Variants in GABBR2 observed in about 807,000 individuals in gnomAD.
The protein encoded by GABBR2 is G-protein coupled receptor 51.
Under a neutral mutation model 105.6 loss-of-function variants are expected in GABBR2, and 23 were observed. The ratio of observed to expected loss-of-function variants is 0.22; its 90% CI spans 0.16 to 0.31. The LOEUF is 0.31. GABBR2 is among the 10% of genes least tolerant of loss of function. GABBR2 has a pLI of 1.00. For synonymous variants in GABBR2, 478 were observed against 499.7 expected (o/e 0.96, Z 0.58); for missense variants, 734 against 1,245.5 (o/e 0.59, Z 6.18).
intron 12 of GABBR2, among the ~76,000 whole-genome samples, chr9:98,367,784 A>C (rs1489512202): frequency 2.0e-5 from 3 of 152,126 alleles, no homozygotes; most frequent in African/African-American, 7.2e-5. Context: ...AGAGAAGAGA[A>C]ATTTATATCT....
chr9:98,371,078 C>T (rs750224833), intron 12 of GABBR2, among the ~76,000 whole-genome samples: 7 of 152,210 alleles, frequency 4.6e-5, no homozygotes, highest in Non-Finnish European at 4.4e-5. Context: ...AAGCCTCTCT[C>T]GGCCCCTGAC....
rs550218120 is a variant in GABBR2 at position 98,533,346 on chromosome 9, C to T, written c.630+8527G>A. On this transcript the variant is annotated intron_variant, in intron 3 of 18. Transcript: ENST00000259455. Reference sequence around the variant, plus strand: ...TTCCCTGCTGCTCTTCCAGATGGCCCGGGTGACTCAGGCAGGAGGCAGTCA... The same window carrying T: ...TTCCCTGCTGCTCTTCCAGATGGCCTGGGTGACTCAGGCAGGAGGCAGTCA... Among the ~76,000 whole-genome samples, 160 of 152,116 alleles carry T rather than the reference C, an allele frequency of 1.1e-3. 1 individual carries two copies. Among genetic ancestry groups the T allele is most frequent in the African/African-American group, 3.6e-3 (150 of 41,514 alleles).
chr9:98,303,378 G>C lies in GABBR2; in HGVS notation c.2275C>G (p.Arg759Gly). The C allele has an allele frequency of 6.2e-7, 1 of 1,613,926 alleles. No individual in the cohort carries two copies. Among genetic ancestry groups the C allele is most frequent in the Non-Finnish European group, 8.5e-7 (1 of 1,179,756 alleles). The part of the protein sequence containing the change: ...TNPDAATQNR[R>G]FQFTQNQKKE... ...TTCTGATTCTGAGTGAACTGGAATC[G>C]CCTGTTCTGCGTTGCTGCATCTGGG... is the stretch of plus-strand genomic sequence containing the variant. The change falls in exon 16 of 19, where the codon CGA becomes GGA. Residue 759 changes from arginine (R) to glycine (G), a missense_variant. Transcript: ENST00000259455.
chr9:98,629,689 C>T (rs1352532459), intron 1 of GABBR2, among the ~76,000 whole-genome samples: 1 of 152,174 alleles, frequency 6.6e-6, no homozygotes, highest in Non-Finnish European at 1.5e-5. Context: ...AACCAATTGG[C>T]TCACCCCTTT....
At chr9:98,540,341 T>C (rs1028035654) in intron 3 of GABBR2, among the ~76,000 whole-genome samples, 1 of 152,200 alleles carries the variant, frequency 6.6e-6, no homozygotes, top group Non-Finnish European at 1.5e-5. Flanking sequence ...CCATTACTCA[T>C]TGGATTTTGG....
At chr9:98,509,362 C>T (rs1827586063) in intron 3 of GABBR2, among the ~76,000 whole-genome samples, 2 of 152,162 alleles carry the variant, frequency 1.3e-5, no homozygotes, top group African/African-American at 4.8e-5. Context: ...AATCAGAGCA[C>T]CTCTCCTCCT....
At chr9:98,397,850 T>A (rs964480040) in intron 8 of GABBR2, among the ~76,000 whole-genome samples, 1 of 152,214 alleles carries the variant, frequency 6.6e-6, no homozygotes, top group Non-Finnish European at 1.5e-5. Flanking sequence ...TTCTGATTCC[T>A]GCTGGCTAGC....
chr9:98,483,679 C>A (rs1318878469), intron 4 of GABBR2, among the ~76,000 whole-genome samples: 1 of 152,186 alleles, frequency 6.6e-6, no homozygotes, highest in African/African-American at 2.4e-5. Flanking sequence ...GTCTATCCCT[C>A]CAGAGTGCCC....
chr9:98,666,110 C>T (rs915006052), intron 1 of GABBR2, among the ~76,000 whole-genome samples: 5 of 152,202 alleles, frequency 3.3e-5, no homozygotes, highest in African/African-American at 9.7e-5. Context: ...GAGCCTCTCA[C>T]AGACCGAATC....
intron 1 of GABBR2, among the ~76,000 whole-genome samples, chr9:98,615,773 T>C (rs996856019): frequency 6.6e-6 from 1 of 152,198 alleles, no homozygotes; most frequent in African/African-American, 2.4e-5. Flanking sequence ...TTGATACATA[T>C]TTAATTTCAC....
At chr9:98,345,471 T>G (rs1471475808) in intron 13 of GABBR2, among the ~76,000 whole-genome samples, 1 of 152,208 alleles carries the variant, frequency 6.6e-6, no homozygotes, top group Non-Finnish European at 1.5e-5. Flanking sequence ...CTTTTTAACT[T>G]TTTAAGAAAA....
At chr9:98,540,365 G>A (rs1271783453) in intron 3 of GABBR2, among the ~76,000 whole-genome samples, 1 of 152,230 alleles carries the variant, frequency 6.6e-6, no homozygotes, top group African/African-American at 2.4e-5. Context: ...AAGCCCTGCA[G>A]GGAGGCATGC....
intron 3 of GABBR2, among the ~76,000 whole-genome samples, chr9:98,540,849 T>G (rs1233054401): frequency 6.6e-5 from 10 of 152,234 alleles, no homozygotes; most frequent in Admixed American, 6.5e-4. Context: ...TTTGTACTCA[T>G]CTGAGTGAGG....
chr9:98,573,075 C>T (rs939065850), intron 2 of GABBR2, among the ~76,000 whole-genome samples: 5 of 152,144 alleles, frequency 3.3e-5, no homozygotes, highest in Admixed American at 6.5e-5. Flanking sequence ...TGAGAGGCTC[C>T]GCCATGCAGC....
In GABBR2 at chr9:98,435,393, C is replaced by T. The variant is rs150994109; in HGVS notation, c.1236+18588G>A. 1.8e-4 allele frequency among the ~76,000 whole-genome samples: 28 copies of T among 152,306 alleles called. No individual in the cohort carries two copies. In the East Asian group the frequency reaches 4.0e-3, roughly 22 times the overall value. On this transcript the variant is annotated intron_variant, in intron 7 of 18. Transcript: ENST00000259455. Reference sequence around the variant, plus strand: ...CCCTCCATCATCCCCTCTCTTCTGTCGTAACTGGTAAAACACCAAGCCCTA... The same window carrying T: ...CCCTCCATCATCCCCTCTCTTCTGTTGTAACTGGTAAAACACCAAGCCCTA...
chr9:98,347,951 G>A (rs929661219), intron 13 of GABBR2, among the ~76,000 whole-genome samples: 5 of 152,156 alleles, frequency 3.3e-5, no homozygotes, highest in Non-Finnish European at 5.9e-5. Context: ...GTCCCCCTGC[G>A]CAAGCTCTCT....
intron 2 of GABBR2, among the ~76,000 whole-genome samples, chr9:98,550,231 C>A (rs552104941): frequency 6.6e-6 from 1 of 152,096 alleles, no homozygotes; most frequent in Non-Finnish European, 1.5e-5. Flanking sequence ...ATAAGAAAAC[C>A]GAGGCTTAGA....
At chr9:98,702,557 C>T (rs922920390) in intron 1 of GABBR2, among the ~76,000 whole-genome samples, 6 of 152,180 alleles carry the variant, frequency 3.9e-5, no homozygotes, top group African/African-American at 1.4e-4. Flanking sequence ...TCCCACCTTC[C>T]GGACACAGCA....
intron 7 of GABBR2, among the ~76,000 whole-genome samples, chr9:98,436,395 ATATATATATATAGT>A (rs1825925587): frequency 4.2e-5 from 2 of 47,320 alleles, no homozygotes; most frequent in African/African-American, 7.0e-5. Flanking sequence ...ATATATATAT[ATATATATATATAGT>A]ATGGCGTTCT....
Sources: allele counts gnomAD v4.1 joint callset (sites outside exome capture counted in the v4.1 genomes callset), GRCh38; gene constraint gnomAD v4.1.1; transcripts MANE v1.5; gene names NCBI Gene and HGNC (gene_info 2026-07-23, HGNC 2026-07-21).